Variants in XKR6 observed in about 807,000 individuals in gnomAD.
XKR6 encodes the protein XK related 6.
A neutral mutation model predicts 56.7 loss-of-function variants in XKR6; 22 were observed. The ratio of observed to expected loss-of-function variants is 0.39; its 90% CI spans 0.28 to 0.55. XKR6 has a LOEUF of 0.55. Ranked by LOEUF, XKR6 falls within the 20% of genes least tolerant of loss-of-function variation. XKR6 has a pLI of 0.66. For synonymous variants in XKR6, 524 were observed against 387.8 expected (o/e 1.35, Z -4.13); for missense variants, 852 against 889.0 (o/e 0.96, Z 0.53).
chr8:10,900,853 T>A (rs1385030850), intron 2 of XKR6, among the ~76,000 whole-genome samples: 2 of 54,902 alleles, frequency 3.6e-5, no homozygotes, highest in Non-Finnish European at 7.4e-5. Context: ...GGATGTGCAA[T>A]TACCTTTTTT....
intron 1 of XKR6, among the ~76,000 whole-genome samples, chr8:10,963,544 TC>T (rs1244571265): frequency 5.8e-5 from 6 of 102,666 alleles, no homozygotes; most frequent in African/African-American, 3.9e-4. Context: ...AGAAGACCCT[TC>T]CTTTTTTTTT....
chr8:11,084,810 T>G (rs1390136789), intron 1 of XKR6, among the ~76,000 whole-genome samples: 1 of 152,188 alleles, frequency 6.6e-6, no homozygotes. Flanking sequence ...TGCTGCCAGC[T>G]TGGAGGGAAG....
chr8:10,912,462 T>TAG lies in XKR6; in HGVS notation c.961+12171_961+12172insCT, dbSNP rs758680509. 1.8e-3 allele frequency among the ~76,000 whole-genome samples: 209 copies of TAG among 118,806 alleles called. 3 individuals carry two copies. The highest frequency in any genetic ancestry group is 2.2e-3 in the East Asian group (10 of 4,546). The allele number at this position is 118,806 out of a possible 152,430, so 77.9% of individuals were successfully genotyped here. ...ATAGGTGAGTGTATATATATATATA[T>TAG]ATATAGAGAGAGAGAGAGAGAGAGA... On this transcript the variant is annotated intron_variant, in intron 2 of 2. Transcript: ENST00000416569.
At chr8:10,958,224 C>G (rs1186302970) in intron 1 of XKR6, among the ~76,000 whole-genome samples, 1 of 152,222 alleles carries the variant, frequency 6.6e-6, no homozygotes, top group Non-Finnish European at 1.5e-5. Context: ...GTTTGGATGG[C>G]AACCAAGCCA....
At chr8:11,071,589 GAGCCCCGAGTCTATC>G (rs1563117683) in intron 1 of XKR6, among the ~76,000 whole-genome samples, 4 of 137,060 alleles carry the variant, frequency 2.9e-5, no homozygotes, top group Non-Finnish European at 6.2e-5. Context: ...CCGAGTCCAT[GAGCCCCGAGTCTATC>G]AGCCCCGAGT....
chr8:11,002,142 C>T (rs73662670), intron 1 of XKR6, among the ~76,000 whole-genome samples: 5,494 of 152,100 alleles, frequency 0.036, 237 homozygotes, highest in African/African-American at 0.1. Flanking sequence ...CGCCTCTGTG[C>T]ACTTTGTCAA....
intron 1 of XKR6, among the ~76,000 whole-genome samples, chr8:11,165,090 CTT>C (rs35783491): frequency 3.4e-4 from 28 of 82,502 alleles, no homozygotes; most frequent in South Asian, 9.4e-4. Context: ...AGGCTATCAC[CTT>C]TTTTTTTTTT....
intron 1 of XKR6, chr8:11,109,048 C>T (rs1490556484): frequency 6.6e-6 from 1 of 152,182 alleles, no homozygotes; most frequent in East Asian, 1.9e-4. Context: ...TCTGAATTCT[C>T]AGTGATATGC....
intron 1 of XKR6, among the ~76,000 whole-genome samples, chr8:10,946,995 G>A (rs1801571154): frequency 6.6e-6 from 1 of 152,176 alleles, no homozygotes; most frequent in Admixed American, 6.5e-5. Flanking sequence ...AATAAGGGGA[G>A]GCCAGGCTGG....
Position 11,201,458 on chromosome 8 carries a change from G to A in XKR6, c.-119C>T, listed in dbSNP as rs1169500583. 4.0e-6 allele frequency: 2 copies of A among 504,034 alleles called. No individual in the cohort carries two copies. Among genetic ancestry groups the A allele is most frequent in the East Asian group, 4.7e-5 (1 of 21,386 alleles). The allele number at this position is 504,034 out of a possible 1,614,324, so 31.2% of individuals were successfully genotyped here. ...AGAGGAAGGGGGGCGGGGAGGAAGCGGGGGAGCAAACGAACGAGGGGGGAG... is the reference window on the plus strand; with the variant it reads ...AGAGGAAGGGGGGCGGGGAGGAAGCAGGGGAGCAAACGAACGAGGGGGGAG... On this transcript the variant is annotated 5_prime_UTR_variant, in exon 1 of 3. Transcript: ENST00000416569.
chr8:10,957,456 C>T (rs1801924429), intron 1 of XKR6, among the ~76,000 whole-genome samples: 1 of 152,190 alleles, frequency 6.6e-6, no homozygotes, highest in African/African-American at 2.4e-5. Context: ...CCTCTTGTGG[C>T]CCATGGTGTG....
In XKR6 at chr8:11,019,923, G is replaced by C. The variant is rs376858057; in HGVS notation, c.765-95093C>G. The stretch of plus-strand genomic sequence containing the variant: ...TTCCCAGCCGGGCCAGAGTGGGGCA[G>C]AGAGGCGGCAGGCTATAAATAGTGG... On this transcript the variant is annotated intron_variant, in intron 1 of 2. Coordinates refer to ENST00000416569, the MANE Select transcript of XKR6 (RefSeq NM_173683.4). Among the ~76,000 whole-genome samples, 144 of 152,314 alleles carry C rather than the reference G, an allele frequency of 9.5e-4. 1 individual carries two copies. The highest frequency in any genetic ancestry group is 3.3e-3 in the African/African-American group (138 of 41,572).
intron 1 of XKR6, among the ~76,000 whole-genome samples, chr8:11,034,114 G>T (rs193011429): frequency 6.6e-6 from 1 of 152,172 alleles, no homozygotes; most frequent in African/African-American, 2.4e-5. Context: ...CACATAAAAC[G>T]CATGCCTCAA....
intron 1 of XKR6, among the ~76,000 whole-genome samples, chr8:11,152,432 T>C (rs959291744): frequency 6.6e-6 from 1 of 152,084 alleles, no homozygotes; most frequent in Non-Finnish European, 1.5e-5. Context: ...AAAATCTAGA[T>C]ACATAATAAA....
intron 2 of XKR6, among the ~76,000 whole-genome samples, chr8:10,903,089 G>T (rs1464056051): frequency 1.3e-5 from 2 of 152,224 alleles, no homozygotes; most frequent in East Asian, 3.9e-4. Context: ...GCCCTGGTGG[G>T]ACTCAAAAAC....
intron 1 of XKR6, among the ~76,000 whole-genome samples, chr8:11,006,542 G>A (rs1403461491): frequency 7.9e-5 from 12 of 152,308 alleles, no homozygotes; most frequent in Admixed American, 3.9e-4. Context: ...AATAGAGTAA[G>A]GCATCTGTAG....
intron 1 of XKR6, among the ~76,000 whole-genome samples, chr8:11,059,862 G>A (rs947091874): frequency 1.3e-4 from 20 of 152,136 alleles, no homozygotes; most frequent in African/African-American, 1.2e-4. Flanking sequence ...GAGGTGGCGC[G>A]CAGGGTGGCA....
At chr8:11,073,277 C>T (rs1328570789) in intron 1 of XKR6, among the ~76,000 whole-genome samples, 1 of 152,140 alleles carries the variant, frequency 6.6e-6, no homozygotes, top group Non-Finnish European at 1.5e-5. Context: ...CTTTGATGAA[C>T]TCTGGAGACC....
intron 1 of XKR6, among the ~76,000 whole-genome samples, chr8:11,006,337 C>G (rs947168260): frequency 1.3e-5 from 2 of 152,114 alleles, no homozygotes; most frequent in African/African-American, 2.4e-5. Context: ...AGGAGGCCTT[C>G]TGCCTGGGTA....
Sources: gnomAD v4.1 joint callset for allele counts (sites outside exome capture counted in the v4.1 genomes callset) on GRCh38, gnomAD v4.1.1 for gene constraint, MANE v1.5 for transcripts, NCBI Gene and HGNC (gene_info 2026-07-23, HGNC 2026-07-21) for gene names.